Variants in RHOBTB2 observed in about 807,000 individuals in gnomAD.
RHOBTB2 encodes rho-related BTB domain-containing protein 2.
RHOBTB2 carries 39 observed loss-of-function variants against 66.5 expected under a neutral mutation model. The observed-to-expected ratio is 0.59, with a 90% CI of 0.45 to 0.77. RHOBTB2 has a LOEUF of 0.77. RHOBTB2 is among the 30% of genes least tolerant of loss of function. The probability of loss-of-function intolerance (pLI) is 0.00; values close to 1 mark genes in which losing one functional copy is unlikely to be tolerated. For missense variants in RHOBTB2, 755 were observed against 999.1 expected, an observed-to-expected ratio of 0.76 and a Z score of 3.29; for synonymous variants, 390 against 395.0, an observed-to-expected ratio of 0.99 and a Z score of 0.15.
chr8:22,968,377 AT>A, the RHOBTB2 span, among the ~76,000 whole-genome samples: 5 of 152,160 alleles, frequency 3.3e-5, no homozygotes, highest in South Asian at 2.1e-4. Context: ...TTTTAAAAAA[AT>A]ATCGAATAAA....
chr8:23,003,252 C>T (rs1227343326), intron 1 of RHOBTB2, among the ~76,000 whole-genome samples: 1 of 152,242 alleles, frequency 6.6e-6, no homozygotes, highest in Non-Finnish European at 1.5e-5. Flanking sequence ...AGGCCAGGGC[C>T]TCCTGGCGAC....
chr8:23,017,113 T>C lies in RHOBTB2; in HGVS notation c.1967-139T>C, dbSNP rs1299664668. The C allele has an allele frequency of 4.6e-6, 5 of 1,094,260 alleles. No individual in the cohort carries two copies. Among genetic ancestry groups the C allele is most frequent in the African/African-American group, 3.1e-5 (2 of 63,798 alleles). The allele number at this position is 1,094,260 out of a possible 1,614,324, so 67.8% of individuals were successfully genotyped here. On this transcript the variant is annotated intron_variant, in intron 9 of 9. Coordinates refer to ENST00000251822, the MANE Select transcript of RHOBTB2 (RefSeq NM_015178.3). This position sits in a 1 kb window ranked among gnomAD's most constrained non-coding sequence, Gnocchi z 5.3. ...GAACTTTGCTTGCCTCGGAGGCTCA[T>C]GTGCCGTGGGTCATGGGGATGTGCT... is the stretch of plus-strand genomic sequence containing the variant.
At chr8:22,987,048 T>G (rs940996043), upstream of RHOBTB2, among the ~76,000 whole-genome samples, 86 of 152,330 alleles carry the variant, frequency 5.6e-4, no homozygotes, top group Non-Finnish European at 3.8e-4. Context: ...TAATTACTGG[T>G]GGGGTTGAAG....
chr8:22,951,317 T>A, the RHOBTB2 span, among the ~76,000 whole-genome samples: 7 of 140,784 alleles, frequency 5.0e-5, no homozygotes, highest in Non-Finnish European at 1.1e-4. Flanking sequence ...AGTGGCGCGA[T>A]CTCAGCTCAC....
At chr8:22,990,877 T>C (rs2128796620) in intron 1 of RHOBTB2, among the ~76,000 whole-genome samples, 1 of 152,236 alleles carries the variant, frequency 6.6e-6, no homozygotes, top group East Asian at 1.9e-4. Context: ...CTCCAGTCCC[T>C]GCATCAGCTG....
the RHOBTB2 span, among the ~76,000 whole-genome samples, chr8:22,970,210 C>T: frequency 3.9e-5 from 6 of 152,160 alleles, no homozygotes; most frequent in East Asian, 1.9e-4. Context: ...ATCTGGTGAG[C>T]GCTGCTCTTT....
chr8:23,004,770 G>C lies in RHOBTB2; in HGVS notation c.192+144G>C, dbSNP rs1019461931. On this transcript the variant is annotated intron_variant, in intron 2 of 9. Coordinates refer to ENST00000251822, the MANE Select transcript of RHOBTB2 (RefSeq NM_015178.3). This position sits in a 1 kb window ranked among gnomAD's most constrained non-coding sequence, Gnocchi z 6.4. Reference sequence around the variant, plus strand: ...TGGGTTGGGGGCAGCTGAAGAGGAAGGAGCCCCTGGAGAGAGGTTTAAGCC... The same window carrying C: ...TGGGTTGGGGGCAGCTGAAGAGGAACGAGCCCCTGGAGAGAGGTTTAAGCC... The C allele has an allele frequency of 4.0e-6, 3 of 750,154 alleles. No individual in the cohort carries two copies. The highest frequency in any genetic ancestry group is 1.7e-5 in the African/African-American group (1 of 57,454). 46.5% of individuals were successfully genotyped at this position (750,154 alleles called of 1,614,324 possible).
the RHOBTB2 span, among the ~76,000 whole-genome samples, chr8:22,977,698 G>A: frequency 2.0e-5 from 3 of 151,980 alleles, no homozygotes; most frequent in African/African-American, 7.3e-5. Flanking sequence ...GTAGTATTAG[G>A]CAACTGTTAA....
intron 8 of RHOBTB2, 148 bp downstream of exon 8, chr8:23,014,926 C>G (rs1811248222): frequency 1.5e-6 from 1 of 677,022 alleles, no homozygotes; most frequent in Non-Finnish European, 2.6e-6. Context: ...CCCATCTCCT[C>G]CTCCATGCCA....
At chr8:22,954,052 C>T in the RHOBTB2 span, among the ~76,000 whole-genome samples, 1,835 of 152,278 alleles carry the variant, frequency 0.012, 32 homozygotes, top group African/African-American at 0.042. Flanking sequence ...TATATGCCAT[C>T]GATATGTGAC....
chr8:23,019,952 C>T lies in RHOBTB2; in HGVS notation c.*2483C>T, dbSNP rs559402919. ...GGTATGAATCCCAGTCCCCAGGAAC[C>T]TAGCTCTTTAAACTCTGGGGAGTCG... is the stretch of plus-strand genomic sequence containing the variant. On this transcript the variant is annotated 3_prime_UTR_variant, in exon 10 of 10. Coordinates refer to ENST00000251822, the MANE Select transcript of RHOBTB2 (RefSeq NM_015178.3). 60 of 285,540 alleles carry T rather than the reference C, an allele frequency of 2.1e-4. No homozygotes were observed. The highest frequency in any genetic ancestry group is 1.3e-3 in the African/African-American group (57 of 45,102). The allele number at this position is 285,540 out of a possible 1,614,324, so 17.7% of individuals were successfully genotyped here.
At chr8:22,978,327 A>T in the RHOBTB2 span, among the ~76,000 whole-genome samples, 8 of 151,992 alleles carry the variant, frequency 5.3e-5, no homozygotes, top group African/African-American at 1.9e-4. Context: ...CTCTACTAAA[A>T]ATACAAAAAA....
At chr8:22,976,520 G>A in the RHOBTB2 span, among the ~76,000 whole-genome samples, 1 of 152,200 alleles carries the variant, frequency 6.6e-6, no homozygotes, top group African/African-American at 2.4e-5. Context: ...ACCCAACAAA[G>A]TGCCAAAGAA....
At position 23,017,707 on chromosome 8, in the gene RHOBTB2, T is replaced by C. The variant is rs565555390; in HGVS notation, c.*238T>C. On this transcript the variant is annotated 3_prime_UTR_variant, in exon 10 of 10. Transcript: ENST00000251822. The surrounding 1 kb of genome is among the most constrained non-coding windows in gnomAD (Gnocchi z 5.3). ...GACCCAAAGCAGGACGGGAGACAAC[T>C]GCTTGGAGGAGCGAAGAGCCCTGGC... 1.0e-5 allele frequency: 6 copies of C among 589,480 alleles called. No homozygotes were observed. In the East Asian group the frequency reaches 1.7e-4, roughly 17 times the overall value. The allele number at this position is 589,480 out of a possible 1,614,324, so 36.5% of individuals were successfully genotyped here. A position where few individuals can be genotyped will look rare whatever the true frequency, so the allele number is the denominator to read the frequency against.
the RHOBTB2 span, among the ~76,000 whole-genome samples, chr8:22,962,798 T>G: frequency 6.6e-6 from 1 of 152,132 alleles, no homozygotes; most frequent in South Asian, 2.1e-4. Flanking sequence ...CCCAGATCAT[T>G]TAGTGCATCC....
At chr8:22,962,555 T>C in the RHOBTB2 span, among the ~76,000 whole-genome samples, 1 of 152,220 alleles carries the variant, frequency 6.6e-6, no homozygotes, top group Admixed American at 6.5e-5. Flanking sequence ...CACTTGATTT[T>C]CAAGAGTCAG....
At chr8:23,010,908 C>G (rs1313712539) in intron 7 of RHOBTB2, among the ~76,000 whole-genome samples, 1 of 152,174 alleles carries the variant, frequency 6.6e-6, no homozygotes, top group East Asian at 1.9e-4. Context: ...CTGAGAGGCT[C>G]TCTCCAAAGG....
intron 9 of RHOBTB2, 150 bp downstream of exon 9, chr8:23,015,893 G>A (rs549501752): frequency 2.4e-5 from 15 of 629,920 alleles, no homozygotes; most frequent in Non-Finnish European, 3.8e-5. Context: ...CCAAGCCAAG[G>A]GGCCCCAGGA....
At position 23,007,328 on chromosome 8, in the gene RHOBTB2, C is replaced by T. The variant is rs777639993; in HGVS notation, c.1083C>T (p.Gly361=). 1.2e-6 allele frequency: 2 copies of T among 1,613,576 alleles called. No homozygotes were observed. Among genetic ancestry groups the T allele is most frequent in the African/African-American group, 1.3e-5 (1 of 75,076 alleles). Residue 361 remains glycine, a synonymous_variant, in exon 5 of 10, where the codon GGC becomes GGT. Transcript: ENST00000251822. ...AGGCTGGGGGCTCCGGTCCTGCTGGCCTCCGTGCTTCCACCAGCGACGGGA... is the reference window on the plus strand; with the variant it reads ...AGGCTGGGGGCTCCGGTCCTGCTGGTCTCCGTGCTTCCACCAGCGACGGGA... ...VDEAGGSGPA[G]LRASTSDGIL...
Sources: gnomAD v4.1 joint callset for allele counts (sites outside exome capture counted in the v4.1 genomes callset) on GRCh38, gnomAD v4.1.1 for gene constraint, Gnocchi (gnomAD v3.1) non-coding constraint, MANE v1.5 for transcripts, NCBI Gene and HGNC (gene_info 2026-07-23, HGNC 2026-07-21) for gene names.